SLC1A6: variants seen among roughly 807,000 people sequenced by gnomAD.
The protein encoded by SLC1A6 is excitatory amino acid transporter 4.
SLC1A6 carries 15 observed loss-of-function variants against 42.1 expected under a neutral mutation model. That is an observed-to-expected ratio of 0.36 (90% CI 0.24 to 0.55). SLC1A6 has a LOEUF of 0.55. Ranked by LOEUF, SLC1A6 falls within the 20% of genes least tolerant of loss-of-function variation. The probability of loss-of-function intolerance (pLI) is 0.88; values close to 1 mark genes in which losing one functional copy is unlikely to be tolerated. For synonymous variants in SLC1A6, 317 were observed against 319.7 expected (o/e 0.99, Z 0.09); for missense variants, 542 against 772.5 (o/e 0.70, Z 3.54).
intron 1 of SLC1A6, among the ~76,000 whole-genome samples, chr19:14,978,892 A>G (rs1342689274): frequency 6.6e-6 from 1 of 151,828 alleles, no homozygotes; most frequent in Non-Finnish European, 1.5e-5. Flanking sequence ...CAGCCATACA[A>G]TTCCTACCTA....
At chr19:15,002,289 T>C (rs1384491656) in intron 1 of SLC1A6, among the ~76,000 whole-genome samples, 1 of 151,750 alleles carries the variant, frequency 6.6e-6, no homozygotes, top group African/African-American at 2.4e-5. Context: ...TTGGGTTGGG[T>C]TTTTTGTTTT....
At chr19:14,983,103 T>C (rs1600026191), upstream of SLC1A6, among the ~76,000 whole-genome samples, 1 of 152,192 alleles carries the variant, frequency 6.6e-6, no homozygotes. Context: ...CCAAAATTAA[T>C]ACTTGCGGAG....
intron 6 of SLC1A6, among the ~76,000 whole-genome samples, chr19:14,957,023 C>T (rs766167795): frequency 6.6e-6 from 1 of 152,154 alleles, no homozygotes; most frequent in Non-Finnish European, 1.5e-5. Flanking sequence ...TCAATCCTGC[C>T]CCAAATAATC....
intron 1 of SLC1A6, among the ~76,000 whole-genome samples, chr19:14,991,364 C>T (rs1354796357): frequency 1.3e-5 from 2 of 152,140 alleles, no homozygotes; most frequent in African/African-American, 2.4e-5. Flanking sequence ...GTGGCTCATA[C>T]CTGTAATCCC....
chr19:14,961,078 A>T (rs1274880862), intron 6 of SLC1A6, among the ~76,000 whole-genome samples: 2 of 150,920 alleles, frequency 1.3e-5, no homozygotes, highest in Non-Finnish European at 1.5e-5. Flanking sequence ...CACCCAGCTA[A>T]TTTTTTTTGT....
chr19:14,982,231 A>G (rs893535182), upstream of SLC1A6, among the ~76,000 whole-genome samples: 1 of 152,224 alleles, frequency 6.6e-6, no homozygotes, highest in Non-Finnish European at 1.5e-5. Flanking sequence ...TTTCGCTAAT[A>G]ATAATGTATC....
intron 1 of SLC1A6, among the ~76,000 whole-genome samples, chr19:14,975,866 G>A (rs556222223): frequency 8.8e-5 from 5 of 56,854 alleles, no homozygotes; most frequent in Admixed American, 7.3e-4. Flanking sequence ...GAAGGGAAGG[G>A]AAGGAAAGGG....
intron 1 of SLC1A6, chr19:15,010,387 C>A: frequency 2.5e-6 from 1 of 402,456 alleles, no homozygotes; most frequent in Non-Finnish European, 5.0e-6. Context: ...AGTGTGAAGG[C>A]GCTTCGGACA....
At chr19:14,993,284 G>C (rs866417818) in intron 1 of SLC1A6, among the ~76,000 whole-genome samples, 1 of 151,864 alleles carries the variant, frequency 6.6e-6, no homozygotes, top group Non-Finnish European at 1.5e-5. Context: ...GGCTGGAGTC[G>C]GGGGGCAATG....
At chr19:14,966,879 G>A (rs569425908) in intron 4 of SLC1A6, among the ~76,000 whole-genome samples, 107 of 151,976 alleles carry the variant, frequency 7.0e-4, no homozygotes, top group African/African-American at 9.7e-4. Context: ...CCTTTTGGGG[G>A]CTGTGGGGGC....
At chr19:14,977,975 A>C (rs2045729757) in intron 1 of SLC1A6, 1 of 152,180 alleles carries the variant, frequency 6.6e-6, no homozygotes, top group South Asian at 2.1e-4. Context: ...ATTGTCAATT[A>C]ATAATAATAC....
intron 1 of SLC1A6, among the ~76,000 whole-genome samples, chr19:14,998,581 A>G (rs2045857911): frequency 6.6e-6 from 1 of 152,136 alleles, no homozygotes; most frequent in African/African-American, 2.4e-5. Context: ...CAACAACAAA[A>G]AAAGCAGAGA....
At position 14,972,803 on chromosome 19, in the gene SLC1A6, G is replaced by A; in HGVS notation, c.108C>T (p.Arg36=). 6.2e-7 allele frequency: 1 copy of A among 1,612,722 alleles called. No homozygotes were observed. Among genetic ancestry groups the A allele is most frequent in the Non-Finnish European group, 8.5e-7 (1 of 1,179,558 alleles). The change falls in exon 2 of 10, where the codon CGC becomes CGT. Residue 36 remains arginine, a synonymous_variant. Transcript: ENST00000594383. The part of the protein sequence containing the change: ...LQESLQQRAL[R]TRLRLQTMTL... ...TCATGGTCTGCAGGCGCAGGCGCGT[G>A]CGCAGTGCTCTCTGCTGCAGGCTTT...
chr19:14,999,842 T>G (rs1442193258), intron 1 of SLC1A6, among the ~76,000 whole-genome samples: 2 of 124,244 alleles, frequency 1.6e-5, no homozygotes, highest in Non-Finnish European at 3.8e-5. Context: ...TAAAATAGGT[T>G]TTTTTGTTTT....
upstream of SLC1A6, among the ~76,000 whole-genome samples, chr19:14,982,058 T>TA (rs144179383): frequency 0.017 from 2,332 of 139,388 alleles, 64 homozygotes; most frequent in African/African-American, 0.055. Context: ...ACCCTGTCTC[T>TA]AAAAAAAAAA....
intron 1 of SLC1A6, among the ~76,000 whole-genome samples, chr19:15,005,768 A>G (rs2045893327): frequency 6.6e-6 from 1 of 152,226 alleles, no homozygotes; most frequent in Non-Finnish European, 1.5e-5. Context: ...TTAAACTAAT[A>G]AAAAGCCAGA....
At chr19:15,008,837 A>G (rs1047377631) in intron 1 of SLC1A6, among the ~76,000 whole-genome samples, 1 of 113,968 alleles carries the variant, frequency 8.8e-6, no homozygotes, top group Non-Finnish European at 1.7e-5. Context: ...AAACAAAAAT[A>G]ATTCGCGTTT....
intron 1 of SLC1A6, among the ~76,000 whole-genome samples, chr19:14,986,978 T>C (rs2045795950): frequency 6.6e-6 from 1 of 152,162 alleles, no homozygotes. Flanking sequence ...TGATAGACAC[T>C]GTTACTCGCC....
intron 1 of SLC1A6, among the ~76,000 whole-genome samples, chr19:14,985,870 A>AT (rs1430441240): frequency 6.6e-6 from 1 of 151,900 alleles, no homozygotes; most frequent in African/African-American, 2.4e-5. Flanking sequence ...AGGCAGAAGA[A>AT]TTGTTTGAAC....
Sources: gnomAD v4.1 joint callset for allele counts (sites outside exome capture counted in the v4.1 genomes callset) on GRCh38, gnomAD v4.1.1 for gene constraint, MANE v1.5 for transcripts, NCBI Gene and HGNC (gene_info 2026-07-23, HGNC 2026-07-21) for gene names.